The following CYP2C8 variants were observed in gnomAD, a reference collection of about 807,000 sequenced individuals.
CYP2C8 encodes the protein cytochrome P450 2C8.
CYP2C8 carries 51 observed loss-of-function variants against 41.3 expected under a neutral mutation model. The observed-to-expected ratio is 1.24, with a 90% CI of 0.99 to 1.56. The LOEUF (loss-of-function observed/expected upper bound fraction) is 1.56, where lower values mean the gene tolerates loss of function less well. Ranked by LOEUF, CYP2C8 falls within the 40% of genes most tolerant of loss-of-function variation. The pLI, the probability that CYP2C8 is intolerant of heterozygous loss-of-function variation, is 0.00. For synonymous variants in CYP2C8, 218 were observed against 205.8 expected (o/e 1.06, Z -0.51); for missense variants, 651 against 579.9 (o/e 1.12, Z -1.26).
intron 5 of CYP2C8, among the ~76,000 whole-genome samples, chr10:95,053,415 T>A (rs11593160): frequency 6.6e-6 from 1 of 151,968 alleles, no homozygotes; most frequent in Non-Finnish European, 1.5e-5. Flanking sequence ...CCCATTACTG[T>A]GTATATACTC....
chr10:95,064,459 T>A (rs2033514836), intron 4 of CYP2C8, among the ~76,000 whole-genome samples: 1 of 152,128 alleles, frequency 6.6e-6, no homozygotes, highest in Admixed American at 6.5e-5. Context: ...TGGTGTGCCA[T>A]TTACTAAGAC....
In CYP2C8 at chr10:95,046,021, A is replaced by C. The variant is rs1377016325; in HGVS notation, c.820-70T>G. 11 of 1,566,732 alleles carry C rather than the reference A, an allele frequency of 7.0e-6. No individual in the cohort carries two copies. In the East Asian group the frequency reaches 2.5e-4, roughly 35 times the overall value. On this transcript the variant is annotated intron_variant, in intron 5 of 8. Coordinates refer to ENST00000371270, the MANE Select transcript of CYP2C8 (RefSeq NM_000770.3). Reference sequence around the variant, plus strand: ...ATATCTAAATACACTAAATTTTAAAAAACATACTATTTTTTAAAGTTAGCC... The same window carrying C: ...ATATCTAAATACACTAAATTTTAAACAACATACTATTTTTTAAAGTTAGCC...
intron 4 of CYP2C8, among the ~76,000 whole-genome samples, 197 bp downstream of exon 4, chr10:95,064,603 T>C (rs982553910): frequency 3.3e-5 from 5 of 152,174 alleles, no homozygotes; most frequent in African/African-American, 1.2e-4. Context: ...ATTGTGCACA[T>C]ATAGCAATTT....
chr10:95,067,761 C>T (rs2033603141), intron 1 of CYP2C8, 70 bp from the exon 2 acceptor site: 1 of 1,435,390 alleles, frequency 7.0e-7, no homozygotes, highest in Non-Finnish European at 9.7e-7. Context: ...ATGATTCAGA[C>T]TGACATTTTC....
chr10:95,044,134 C>T (rs1202612841), intron 6 of CYP2C8, among the ~76,000 whole-genome samples: 2 of 152,160 alleles, frequency 1.3e-5, no homozygotes, highest in Non-Finnish European at 1.5e-5. Context: ...CATTCTCTTA[C>T]ATGAGGTCTC....
chr10:95,045,955 G>A lies in CYP2C8; in HGVS notation c.820-4C>T. On this transcript the variant is annotated splice_polypyrimidine_tract_variant and splice_region_variant and intron_variant, in intron 5 of 8. Transcript: ENST00000371270. ...CTGACTTTTGGTTGTCCTTTTCCTA[G>A]AAGTGATTTCATGCAATTATCTGAC... is the stretch of plus-strand genomic sequence containing the variant. 1 of 1,613,730 alleles carries A rather than the reference G, an allele frequency of 6.2e-7. No homozygotes were observed. Among genetic ancestry groups the A allele is most frequent in the Non-Finnish European group, 8.5e-7 (1 of 1,179,772 alleles).
At chr10:95,061,839 G>C (rs1244580789) in intron 4 of CYP2C8, among the ~76,000 whole-genome samples, 1 of 152,178 alleles carries the variant, frequency 6.6e-6, no homozygotes, top group Non-Finnish European at 1.5e-5. Flanking sequence ...GGTATGTTGT[G>C]TCTTTGTTCT....
At chr10:95,063,704 G>A (rs1233731501) in intron 4 of CYP2C8, among the ~76,000 whole-genome samples, 1 of 152,220 alleles carries the variant, frequency 6.6e-6, no homozygotes, top group Non-Finnish European at 1.5e-5. Flanking sequence ...CTTTGGAGGA[G>A]GAGAGGCACT....
At chr10:95,051,976 A>C (rs1279728449) in intron 5 of CYP2C8, among the ~76,000 whole-genome samples, 1 of 151,404 alleles carries the variant, frequency 6.6e-6, no homozygotes, top group African/African-American at 2.5e-5. Context: ...CTCAGAGCAG[A>C]AATAAATTGA....
intron 7 of CYP2C8, among the ~76,000 whole-genome samples, 157 bp downstream of exon 7, chr10:95,042,733 C>T (rs186219558): frequency 6.6e-6 from 1 of 152,186 alleles, no homozygotes; most frequent in African/African-American, 2.4e-5. Context: ...CTTTATAAAT[C>T]TTTATAGCCC....
At chr10:95,057,847 C>T (rs779587616) in intron 5 of CYP2C8, among the ~76,000 whole-genome samples, 31 of 152,304 alleles carry the variant, frequency 2.0e-4, no homozygotes, top group Non-Finnish European at 4.0e-4. Context: ...CATCCACCAA[C>T]TCTTTCCCAC....
intron 5 of CYP2C8, among the ~76,000 whole-genome samples, chr10:95,054,567 G>A (rs1460632958): frequency 1.3e-5 from 2 of 151,986 alleles, no homozygotes; most frequent in South Asian, 2.1e-4. Context: ...AAAACAATTA[G>A]ACAAGAAAGA....
intron 3 of CYP2C8, 30 bp from the exon 4 acceptor site, chr10:95,064,990 A>T (rs764969324): frequency 2.9e-6 from 4 of 1,397,946 alleles, no homozygotes; most frequent in South Asian, 3.8e-5. Context: ...TAAAAAAATT[A>T]TTAAAAAATA....
At chr10:95,038,756 A>C (rs896508569) in intron 8 of CYP2C8, 141 bp downstream of exon 8, 1 of 755,834 alleles carries the variant, frequency 1.3e-6, no homozygotes, top group Non-Finnish European at 2.3e-6. Context: ...AGGGTGGAGC[A>C]CATGGGTGTT....
chr10:95,058,293 T>C (rs1035199156), intron 5 of CYP2C8, 42 bp downstream of exon 5: 23 of 1,610,300 alleles, frequency 1.4e-5, no homozygotes, highest in Admixed American at 6.7e-5. Context: ...AATCACAAAA[T>C]GGACAAGAAA....
rs74381428 is a variant in CYP2C8, at chr10:95,039,254, G to A, written c.1150-216C>T. The A allele has an allele frequency of 1.7e-3, 940 of 545,800 alleles. 8 individuals are homozygous for A. The highest frequency in any genetic ancestry group is 0.016 in the African/African-American group (831 of 52,858). The allele number at this position is 545,800 out of a possible 1,614,324, so 33.8% of individuals were successfully genotyped here. A position where few individuals can be genotyped will look rare whatever the true frequency, so the allele number is the denominator to read the frequency against. On this transcript the variant is annotated intron_variant, in intron 7 of 8. Transcript: ENST00000371270. ...GAAGTCTTACATCTTGGATACTTGTGTGCAACCTTCTGAATGTGTTCTCCA... is the reference window on the plus strand; with the variant it reads ...GAAGTCTTACATCTTGGATACTTGTATGCAACCTTCTGAATGTGTTCTCCA...
chr10:95,064,999 T>C, intron 3 of CYP2C8, 39 bp from the exon 4 acceptor site: 8 of 1,368,228 alleles, frequency 5.8e-6, no homozygotes, highest in Non-Finnish European at 7.6e-6. Context: ...TATTAAAAAA[T>C]AAATATTTAA....
chr10:95,064,749 C>T (rs1355926327), intron 4 of CYP2C8, 51 bp downstream of exon 4: 3 of 1,562,536 alleles, frequency 1.9e-6, no homozygotes, highest in East Asian at 2.3e-5. Flanking sequence ...CCAAGTCTTC[C>T]CTACAACCTT....
intron 7 of CYP2C8, chr10:95,040,831 AT>A: frequency 2.3e-6 from 1 of 443,630 alleles, no homozygotes; most frequent in South Asian, 1.6e-5. Context: ...GTTTTTAGGC[AT>A]TTCAAGGATA....
Sources: allele counts gnomAD v4.1 joint callset (sites outside exome capture counted in the v4.1 genomes callset), GRCh38; gene constraint gnomAD v4.1.1; transcripts MANE v1.5; gene names NCBI Gene and HGNC (gene_info 2026-07-23, HGNC 2026-07-21).